PCDHGA3: variants seen among roughly 807,000 people sequenced by gnomAD.
PCDHGA3 encodes protocadherin gamma subfamily A, 3.
Under a neutral mutation model 58.5 loss-of-function variants are expected in PCDHGA3, and 40 were observed. The ratio of observed to expected loss-of-function variants is 0.68; its 90% CI spans 0.53 to 0.89. The LOEUF (loss-of-function observed/expected upper bound fraction) is 0.89. PCDHGA3 is among the 40% of genes least tolerant of loss of function. PCDHGA3 has a pLI of 0.00. For missense variants in PCDHGA3, 1,223 were observed against 1,195.9 expected, an observed-to-expected ratio of 1.02 and a Z score of -0.33; for synonymous variants, 530 against 525.7, an observed-to-expected ratio of 1.01 and a Z score of -0.11.
intron 1 of PCDHGA3, among the ~76,000 whole-genome samples, chr5:141,349,439 A>G (rs1021384495): frequency 6.6e-5 from 10 of 152,170 alleles, no homozygotes; most frequent in African/African-American, 2.2e-4. Flanking sequence ...ATGAGATTCC[A>G]CTTCATAAAA....
chr5:141,454,740 G>GAGGCC (rs2098797560), intron 1 of PCDHGA3, among the ~76,000 whole-genome samples: 1 of 147,160 alleles, frequency 6.8e-6, no homozygotes, highest in Non-Finnish European at 1.5e-5. Flanking sequence ...AGGATGAAAA[G>GAGGCC]AGGCCAAACT....
At chr5:141,500,250 C>T (rs913074120) in intron 2 of PCDHGA3, among the ~76,000 whole-genome samples, 4 of 149,826 alleles carry the variant, frequency 2.7e-5, no homozygotes, top group African/African-American at 9.9e-5. Flanking sequence ...GCTCTGTCAC[C>T]CAGGCTGGAC....
At chr5:141,365,016 G>A (rs1763680175) in intron 1 of PCDHGA3, 1 of 1,613,880 alleles carries the variant, frequency 6.2e-7, no homozygotes. Flanking sequence ...ACGCACATCC[G>A]TGTTACGGTC....
At chr5:141,364,571 A>G (rs750353960) in intron 1 of PCDHGA3, 5 of 1,614,012 alleles carry the variant, frequency 3.1e-6, no homozygotes, top group Admixed American at 3.3e-5. Flanking sequence ...GAACCCGCGA[A>G]GCGGCAGCTT....
Position 141,376,478 on chromosome 5 carries a change from G to A in PCDHGA3, c.2424+30021G>A, listed in dbSNP as rs761214015. On this transcript the variant is annotated intron_variant, in intron 1 of 3. Coordinates refer to ENST00000253812, the MANE Select transcript of PCDHGA3 (RefSeq NM_018916.4). ...TCTTCTGATAACTCAGGATTTACTT[G>A]AAACGAAAGGAGAACCCAGGCAACT... The A allele has an allele frequency of 1.9e-6, 3 of 1,614,176 alleles. No individual in the cohort carries two copies. The South Asian group carries it at 3.3e-5, about 18-fold the overall frequency.
intron 1 of PCDHGA3, chr5:141,366,063 C>G: frequency 6.2e-7 from 1 of 1,614,246 alleles, no homozygotes; most frequent in Non-Finnish European, 8.5e-7. Flanking sequence ...GTGGAGCTGG[C>G]GCCTCGCTCC....
chr5:141,357,639 T>C (rs1416163198), intron 1 of PCDHGA3: 1 of 1,612,114 alleles, frequency 6.2e-7, no homozygotes, highest in Non-Finnish European at 8.5e-7. Flanking sequence ...AATCTTATAA[T>C]AGATCATACC....
chr5:141,406,600 G>A (rs1172246444), intron 1 of PCDHGA3, among the ~76,000 whole-genome samples: 2 of 152,144 alleles, frequency 1.3e-5, no homozygotes, highest in African/African-American at 4.8e-5. Flanking sequence ...AATGGTGAAA[G>A]TTGTCACATC....
intron 1 of PCDHGA3, chr5:141,361,923 A>G (rs1762237619): frequency 6.2e-7 from 1 of 1,607,688 alleles, no homozygotes; most frequent in African/African-American, 1.3e-5. Context: ...CGGTGGACGC[A>G]GACTCAGGAC....
intron 1 of PCDHGA3, chr5:141,370,588 A>G (rs766682273): frequency 6.2e-7 from 1 of 1,613,944 alleles, no homozygotes; most frequent in Admixed American, 1.7e-5. Context: ...CCTACTAGGA[A>G]CCTGCGGGTT....
chr5:141,376,217 CT>C (rs1370033371), intron 1 of PCDHGA3: 2 of 1,614,210 alleles, frequency 1.2e-6, no homozygotes, highest in East Asian at 4.5e-5. Flanking sequence ...CATCGTGCTG[CT>C]GGCGCTCAGA....
chr5:141,393,964 G>C, intron 1 of PCDHGA3: 1 of 1,613,870 alleles, frequency 6.2e-7, no homozygotes, highest in Middle Eastern at 1.6e-4. Flanking sequence ...CAAGTTGTCT[G>C]TTACACACGT....
intron 1 of PCDHGA3, among the ~76,000 whole-genome samples, chr5:141,472,131 A>C (rs565506002): frequency 6.6e-6 from 1 of 152,264 alleles, no homozygotes; most frequent in Non-Finnish European, 1.5e-5. Flanking sequence ...AGAGAAGTTA[A>C]AAATAAAAGT....
intron 1 of PCDHGA3, chr5:141,410,497 T>TG (rs1192894414): frequency 6.2e-7 from 1 of 1,613,998 alleles, no homozygotes; most frequent in South Asian, 1.1e-5. Flanking sequence ...AAGAGTTTAA[T>TG]TTCCTAAAAT....
At chr5:141,389,736 G>C in intron 1 of PCDHGA3, 1 of 1,612,710 alleles carries the variant, frequency 6.2e-7, no homozygotes, top group Non-Finnish European at 8.5e-7. Context: ...CTTCAGCCTG[G>C]GGCTGCGCAC....
At chr5:141,352,340 T>C (rs763704470) in intron 1 of PCDHGA3, 21 of 1,613,958 alleles carry the variant, frequency 1.3e-5, no homozygotes, top group Non-Finnish European at 1.7e-5. Context: ...GGCCTTGGCC[T>C]TGATCTCAGT....
chr5:141,386,298 A>T (rs1459802596), intron 1 of PCDHGA3, among the ~76,000 whole-genome samples: 1 of 152,242 alleles, frequency 6.6e-6, no homozygotes, highest in African/African-American at 2.4e-5. Flanking sequence ...ACATTTTAGT[A>T]AAGCTCAGTA....
intron 1 of PCDHGA3, among the ~76,000 whole-genome samples, chr5:141,444,735 C>A (rs924159168): frequency 1.3e-5 from 2 of 152,116 alleles, no homozygotes; most frequent in Admixed American, 1.3e-4. Context: ...TGTTGAAAGT[C>A]ATTTCACTGA....
chr5:141,399,362 C>T (rs182743080), intron 1 of PCDHGA3: 5 of 1,613,990 alleles, frequency 3.1e-6, no homozygotes, highest in East Asian at 2.2e-5. Context: ...GAGCAAACCC[C>T]GGAGTACAAT....
Sources: gnomAD v4.1 joint callset for allele counts (sites outside exome capture counted in the v4.1 genomes callset) on GRCh38, gnomAD v4.1.1 for gene constraint, MANE v1.5 for transcripts, NCBI Gene and HGNC (gene_info 2026-07-23, HGNC 2026-07-21) for gene names.